Variants in TAX1BP1 observed in about 807,000 individuals in gnomAD.
TAX1BP1 encodes the protein tax1-binding protein 1.
A neutral mutation model predicts 97.7 loss-of-function variants in TAX1BP1; 62 were observed. The ratio of observed to expected loss-of-function variants is 0.63; its 90% CI spans 0.52 to 0.78. The LOEUF (loss-of-function observed/expected upper bound fraction) is 0.78, where lower values mean the gene tolerates loss of function less well. Ranked by LOEUF, TAX1BP1 falls within the 30% of genes least tolerant of loss-of-function variation. The pLI is 0.00. For synonymous variants in TAX1BP1, 340 were observed against 304.2 expected (o/e 1.12, Z -1.23); for missense variants, 867 against 916.1 (o/e 0.95, Z 0.69).
chr7:27,794,583 A>C, intron 11 of TAX1BP1, 137 bp downstream of exon 11: 1 of 890,734 alleles, frequency 1.1e-6, no homozygotes, highest in Non-Finnish European at 1.7e-6. Context: ...GCAACAAGAA[A>C]ATAAGGGTAT....
chr7:27,770,656 T>C lies in TAX1BP1; in HGVS notation c.612+822T>C, dbSNP rs372241219. On this transcript the variant is annotated intron_variant, in intron 5 of 16. Transcript: ENST00000396319. ...GCTTAATAATTGCTAAATGAACCGC[T>C]AGTGCAGTGATTCTCAAACATTTGT... is the stretch of plus-strand genomic sequence containing the variant. Among the ~76,000 whole-genome samples, 24 of 152,264 alleles carry C rather than the reference T, an allele frequency of 1.6e-4. 1 individual carries two copies. In the East Asian group the frequency reaches 3.3e-3, roughly 21 times the overall value.
chr7:27,763,592 C>G (rs1788509628), intron 3 of TAX1BP1, among the ~76,000 whole-genome samples: 1 of 152,116 alleles, frequency 6.6e-6, no homozygotes, highest in Admixed American at 6.5e-5. Flanking sequence ...CATGGTGAAA[C>G]CCCGTCTCCA....
At chr7:27,742,328 C>T (rs1480659886) in intron 1 of TAX1BP1, among the ~76,000 whole-genome samples, 1 of 152,180 alleles carries the variant, frequency 6.6e-6, no homozygotes, top group Non-Finnish European at 1.5e-5. Context: ...CAGGCTTCCA[C>T]AGTTTTTGTG....
chr7:27,828,612 C>A lies in TAX1BP1; in HGVS notation c.2169-16C>A, dbSNP rs1337906921. ...ATTTATTAGAAACATGTAATTCTTT[C>A]ATTTTTCTCTTTAAGCTTTGATGTT... On this transcript the variant is annotated splice_polypyrimidine_tract_variant and intron_variant, in intron 16 of 16. Transcript: ENST00000396319. 6.2e-7 allele frequency: 1 copy of A among 1,610,560 alleles called. No homozygotes were observed. Among genetic ancestry groups the A allele is most frequent in the Non-Finnish European group, 8.5e-7 (1 of 1,177,388 alleles).
At chr7:27,814,231 T>A (rs555271124) in intron 13 of TAX1BP1, among the ~76,000 whole-genome samples, 51 of 152,292 alleles carry the variant, frequency 3.3e-4, no homozygotes, top group African/African-American at 1.2e-3. Flanking sequence ...TGGCAAGAGA[T>A]GAAGGACATC....
intron 13 of TAX1BP1, among the ~76,000 whole-genome samples, chr7:27,806,881 A>C (rs1422009927): frequency 6.6e-6 from 1 of 152,198 alleles, no homozygotes; most frequent in African/African-American, 2.4e-5. Flanking sequence ...CTTTTAATAA[A>C]GAACAGGCAA....
At position 27,800,018 on chromosome 7, in the gene TAX1BP1, G is replaced by C. The variant is rs1399758790; in HGVS notation, c.1692G>C (p.Leu564=). The change falls in exon 13 of 17, where the codon CTG becomes CTC. Residue 564 remains leucine (L), a synonymous_variant. Transcript: ENST00000396319. ...KYADELAKME[L]KWKEQVKIAE... is the part of the protein sequence containing the mutation. ...CTGATGAACTTGCAAAAATGGAGCTGAAATGGAAAGAACAAGTGAAAATTG... is the reference window on the plus strand; with the variant it reads ...CTGATGAACTTGCAAAAATGGAGCTCAAATGGAAAGAACAAGTGAAAATTG... 3 of 1,604,740 alleles carry C rather than the reference G, an allele frequency of 1.9e-6. No homozygotes were observed. The highest frequency in any genetic ancestry group is 2.6e-6 in the Non-Finnish European group (3 of 1,175,884).
intron 12 of TAX1BP1, among the ~76,000 whole-genome samples, chr7:27,798,370 T>A (rs1281976512): frequency 1.3e-5 from 2 of 151,924 alleles, no homozygotes; most frequent in Non-Finnish European, 2.9e-5. Context: ...AATAACTCTG[T>A]AAGAAATTAC....
At chr7:27,797,641 AT>A (rs565011436) in intron 12 of TAX1BP1, among the ~76,000 whole-genome samples, 34 of 147,976 alleles carry the variant, frequency 2.3e-4, no homozygotes, top group African/African-American at 2.0e-4. Context: ...GTTAAAATGA[AT>A]TTTTTTTTTT....
chr7:27,742,511 A>G (rs1787658912), intron 1 of TAX1BP1, among the ~76,000 whole-genome samples: 1 of 152,184 alleles, frequency 6.6e-6, no homozygotes, highest in African/African-American at 2.4e-5. Context: ...AGATTAACAG[A>G]ATCTCAAGGC....
chr7:27,810,161 C>T (rs953944132), intron 13 of TAX1BP1, among the ~76,000 whole-genome samples: 2 of 152,078 alleles, frequency 1.3e-5, no homozygotes, highest in African/African-American at 4.8e-5. Context: ...CCTGCCTCAG[C>T]CTCCCGAAGT....
intron 2 of TAX1BP1, among the ~76,000 whole-genome samples, chr7:27,755,203 G>C (rs549851639): frequency 1.2e-3 from 177 of 152,192 alleles, no homozygotes; most frequent in African/African-American, 4.0e-3. Flanking sequence ...GTCTGTTGTT[G>C]TATGTTTCTG....
At chr7:27,803,320 G>A (rs747595840) in intron 13 of TAX1BP1, 20 of 861,472 alleles carry the variant, frequency 2.3e-5, no homozygotes, top group Middle Eastern at 7.9e-4. Flanking sequence ...TAAAAATTAC[G>A]TGAAATGTTT....
intron 5 of TAX1BP1, among the ~76,000 whole-genome samples, chr7:27,777,612 G>A (rs1273449007): frequency 6.6e-6 from 1 of 152,048 alleles, no homozygotes; most frequent in Non-Finnish European, 1.5e-5. Context: ...GACTTGAGGG[G>A]GACTCCTTGC....
intron 1 of TAX1BP1, among the ~76,000 whole-genome samples, chr7:27,748,184 G>T (rs1023823830): frequency 2.6e-5 from 4 of 152,092 alleles, no homozygotes; most frequent in Non-Finnish European, 5.9e-5. Flanking sequence ...TATTGGCAGC[G>T]TGTGCACAAA....
chr7:27,814,659 T>A (rs1233322382), intron 13 of TAX1BP1, among the ~76,000 whole-genome samples: 2 of 152,230 alleles, frequency 1.3e-5, no homozygotes, highest in African/African-American at 2.4e-5. Flanking sequence ...CAATTATTTG[T>A]TGCTGTATGT....
chr7:27,808,268 T>G (rs1790419612), intron 13 of TAX1BP1, among the ~76,000 whole-genome samples: 1 of 152,220 alleles, frequency 6.6e-6, no homozygotes, highest in Admixed American at 6.5e-5. Context: ...GAGTAAATAC[T>G]TATACCTCCA....
At chr7:27,745,724 A>C (rs569115623) in intron 1 of TAX1BP1, among the ~76,000 whole-genome samples, 1 of 150,472 alleles carries the variant, frequency 6.6e-6, no homozygotes, top group South Asian at 2.1e-4. Context: ...GAAAATGTGA[A>C]ATTCAGGGGA....
chr7:27,753,214 C>T (rs945197231), intron 2 of TAX1BP1, among the ~76,000 whole-genome samples: 10 of 152,156 alleles, frequency 6.6e-5, no homozygotes, highest in Non-Finnish European at 1.5e-4. Flanking sequence ...ACATGAGTAT[C>T]GCTTGAACCC....
Sources: allele counts gnomAD v4.1 joint callset (sites outside exome capture counted in the v4.1 genomes callset), GRCh38; gene constraint gnomAD v4.1.1; transcripts MANE v1.5; gene names NCBI Gene and HGNC (gene_info 2026-07-23, HGNC 2026-07-21).